TXNRD3: variants seen among roughly 807,000 people sequenced by gnomAD.
TXNRD3 encodes the protein thioredoxin reductase 3.
A neutral mutation model predicts 78.2 loss-of-function variants in TXNRD3; 68 were observed. The ratio of observed to expected loss-of-function variants is 0.87; its 90% CI spans 0.72 to 1.06. The LOEUF is 1.06. Ranked by LOEUF, TXNRD3 falls within the 50% of genes least tolerant of loss-of-function variation. The pLI, the probability that TXNRD3 is intolerant of heterozygous loss-of-function variation, is 0.00. For synonymous variants in TXNRD3, 296 were observed against 300.1 expected, an observed-to-expected ratio of 0.99 and a Z score of 0.14; for missense variants, 751 against 809.5, an observed-to-expected ratio of 0.93 and a Z score of 0.88.
intron 1 of TXNRD3, 30 bp from the exon 2 acceptor site, chr3:126,647,326 C>G: frequency 6.8e-7 from 1 of 1,464,362 alleles, no homozygotes; most frequent in Non-Finnish European, 9.2e-7. Flanking sequence ...AAGTTTCACT[C>G]TCAGAAAAGA....
chr3:126,646,247 A>C (rs1268918630), intron 2 of TXNRD3, 27 bp from the exon 3 acceptor site: 1 of 1,476,694 alleles, frequency 6.8e-7, no homozygotes, highest in East Asian at 2.5e-5. Context: ...CTATATATAA[A>C]AACACTGAAA....
At chr3:126,634,551 T>C (rs965929853) in intron 6 of TXNRD3, among the ~76,000 whole-genome samples, 1 of 152,182 alleles carries the variant, frequency 6.6e-6, no homozygotes, top group African/African-American at 2.4e-5. Flanking sequence ...ACAAATATGG[T>C]TCACGCTCAC....
At chr3:126,642,849 C>T (rs528909642) in intron 5 of TXNRD3, among the ~76,000 whole-genome samples, 3 of 152,230 alleles carry the variant, frequency 2.0e-5, no homozygotes, top group Non-Finnish European at 4.4e-5. Flanking sequence ...TTGATTTTTA[C>T]ACTTTATGTG....
In TXNRD3 at chr3:126,607,790, C is replaced by A. The variant is rs561206353; in HGVS notation, c.*115G>T. The stretch of plus-strand genomic sequence containing the variant: ...ATCTAAGTGTCGTAAGACAGCCCTG[C>A]ACTGGTCCCTGAGTAACAGAGCAGC... On this transcript the variant is annotated 3_prime_UTR_variant, in exon 16 of 16. Transcript: ENST00000524230. The A allele has an allele frequency of 3.1e-5, 24 of 774,958 alleles. No homozygotes were observed. The highest frequency in any genetic ancestry group is 4.5e-5 in the Non-Finnish European group (23 of 511,432). The allele number at this position is 774,958 out of a possible 1,614,324, so 48.0% of individuals were successfully genotyped here. A position where few individuals can be genotyped will look rare whatever the true frequency, so the allele number is the denominator to read the frequency against.
chr3:126,630,671 A>G (rs1190171103), intron 9 of TXNRD3, 41 bp downstream of exon 9: 2 of 1,503,400 alleles, frequency 1.3e-6, no homozygotes, highest in East Asian at 4.9e-5. Context: ...GATAAAGTGA[A>G]AAGTTAGAGA....
chr3:126,653,567 T>C (rs1933438732), intron 1 of TXNRD3, among the ~76,000 whole-genome samples: 1 of 152,216 alleles, frequency 6.6e-6, no homozygotes, highest in Admixed American at 6.5e-5. Flanking sequence ...TTAGCAAGGA[T>C]GTAGAGCAAG....
At chr3:126,626,226 A>G (rs912574724) in intron 10 of TXNRD3, among the ~76,000 whole-genome samples, 1 of 152,252 alleles carries the variant, frequency 6.6e-6, no homozygotes. Flanking sequence ...GGATACTTCC[A>G]TGACCTTTGG....
intron 2 of TXNRD3, among the ~76,000 whole-genome samples, chr3:126,646,674 A>G (rs552785788): frequency 1.3e-5 from 2 of 152,324 alleles, no homozygotes; most frequent in East Asian, 3.9e-4. Flanking sequence ...CCTTTAGAAA[A>G]GTCTCCAAGA....
At chr3:126,618,905 A>G (rs994487450) in intron 12 of TXNRD3, among the ~76,000 whole-genome samples, 14 of 151,918 alleles carry the variant, frequency 9.2e-5, no homozygotes, top group South Asian at 4.2e-4. Flanking sequence ...AAAAATGGGC[A>G]AAGGATCTGA....
At chr3:126,621,570 G>A (rs1325516053) in intron 12 of TXNRD3, among the ~76,000 whole-genome samples, 172 bp downstream of exon 12, 1 of 152,212 alleles carries the variant, frequency 6.6e-6, no homozygotes, top group African/African-American at 2.4e-5. Context: ...CTTGCACACA[G>A]TGGACACTCA....
chr3:126,654,025 TA>T lies in TXNRD3; in HGVS notation c.243+722del, dbSNP rs376083520. The stretch of plus-strand genomic sequence containing the variant: ...ATAATATATATATTTGGTAAAAATG[TA>T]AAAAAAAAAAAAGGAAATTTTGCAT... On this transcript the variant is annotated intron_variant, in intron 1 of 15. Transcript: ENST00000524230. 4.6e-3 allele frequency among the ~76,000 whole-genome samples: 602 copies of T among 131,480 alleles called. 2 individuals are homozygous for T. Among genetic ancestry groups the T allele is most frequent in the East Asian group, 0.012 (55 of 4,598 alleles). 86.3% of individuals were successfully genotyped at this position (131,480 alleles called of 152,430 possible).
At position 126,655,013 on chromosome 3, in the gene TXNRD3, C is replaced by A; in HGVS notation, c.-23G>T. On this transcript the variant is annotated 5_prime_UTR_variant, in exon 1 of 16. Coordinates refer to ENST00000524230, the MANE Select transcript of TXNRD3 (RefSeq NM_052883.3). ...CAGAGTCTCGCTCTCGCTCCTGGCC[C>A]GGCCGGGCCTGCTCACAAACCGAAA... 8.5e-6 allele frequency: 11 copies of A among 1,294,202 alleles called. No homozygotes were observed. The highest frequency in any genetic ancestry group is 9.8e-6 in the Non-Finnish European group (10 of 1,023,298). The allele number at this position is 1,294,202 out of a possible 1,614,324, so 80.2% of individuals were successfully genotyped here.
intron 2 of TXNRD3, among the ~76,000 whole-genome samples, chr3:126,646,815 A>T (rs1010221449): frequency 6.6e-6 from 1 of 152,246 alleles, no homozygotes; most frequent in African/African-American, 2.4e-5. Flanking sequence ...TAAAGTGCTG[A>T]ACTAATATTA....
intron 3 of TXNRD3, among the ~76,000 whole-genome samples, chr3:126,644,939 T>A (rs973825444): frequency 2.0e-5 from 3 of 152,252 alleles, no homozygotes; most frequent in Non-Finnish European, 4.4e-5. Flanking sequence ...CTGGGCCATA[T>A]CCTCTTGCTC....
Position 126,629,409 on chromosome 3 carries a change from T to C in TXNRD3, c.1260A>G (p.Gly420=), listed in dbSNP as rs1938657371. Residue 420 remains glycine, a synonymous_variant, in exon 10 of 16, where the codon GGA becomes GGG. Coordinates refer to ENST00000524230, the MANE Select transcript of TXNRD3 (RefSeq NM_052883.3). ...TATAGACTCCTTCAATTGTTTCTGT[T>C]CCTTCAGTGGATTTAGCCAACACTT... The C allele has an allele frequency of 5.9e-6, 9 of 1,535,624 alleles. No homozygotes were observed. The highest frequency in any genetic ancestry group is 7.8e-6 in the Non-Finnish European group (9 of 1,146,546).
chr3:126,653,735 G>T (rs1000995919), intron 1 of TXNRD3, among the ~76,000 whole-genome samples: 5 of 152,196 alleles, frequency 3.3e-5, no homozygotes, highest in Admixed American at 2.6e-4. Flanking sequence ...TAAATGCGCT[G>T]GGAGTTACGT....
In TXNRD3 at chr3:126,610,854, C is replaced by T. The variant is rs975827442; in HGVS notation, c.1728+183G>A. Among the ~76,000 whole-genome samples, 3 of 152,144 alleles carry T rather than the reference C, an allele frequency of 2.0e-5. 1 individual carries two copies. On this transcript the variant is annotated intron_variant, in intron 14 of 15. Coordinates refer to ENST00000524230, the MANE Select transcript of TXNRD3 (RefSeq NM_052883.3). ...CTACCTTAGAAAGACTATAAAAGTGCAGCAGTCCCAGCTGCTCAGGAAGCT... is the reference window on the plus strand; with the variant it reads ...CTACCTTAGAAAGACTATAAAAGTGTAGCAGTCCCAGCTGCTCAGGAAGCT...
chr3:126,624,304 C>T (rs1480244595), intron 10 of TXNRD3, among the ~76,000 whole-genome samples: 1 of 152,188 alleles, frequency 6.6e-6, no homozygotes, highest in East Asian at 1.9e-4. Context: ...AGGACTCACT[C>T]TACCTGATCT....
In TXNRD3 at chr3:126,631,868, T is replaced by A; in HGVS notation, c.867A>T (p.Lys289Asn). 6.5e-7 allele frequency: 1 copy of A among 1,535,948 alleles called. No homozygotes were observed. The highest frequency in any genetic ancestry group is 8.7e-7 in the Non-Finnish European group (1 of 1,146,672). ...CAGTATAATAAGTCTCCTGTCCTTT[T>A]TTATTGGTTGCCTTGAAAAAAGAGA... The change falls in exon 8 of 16, where the codon AAA becomes AAT. Residue 289 changes from lysine (K) to asparagine (N), a missense_variant. Physicochemically the swap from Lys to Asn is moderately conservative, Grantham distance 94. Transcript: ENST00000524230.
Sources: allele counts gnomAD v4.1 joint callset (sites outside exome capture counted in the v4.1 genomes callset), GRCh38; gene constraint gnomAD v4.1.1; transcripts MANE v1.5; gene names NCBI Gene and HGNC (gene_info 2026-07-23, HGNC 2026-07-21).